APBA2: variants seen among roughly 807,000 people sequenced by gnomAD.
APBA2 encodes the protein amyloid-beta A4 precursor protein-binding family A member 2.
A neutral mutation model predicts 75.0 loss-of-function variants in APBA2; 30 were observed. The observed-to-expected ratio is 0.40, with a 90% confidence interval of 0.30 to 0.54. APBA2 has a LOEUF of 0.54. Ranked by LOEUF, APBA2 falls within the 20% of genes least tolerant of loss-of-function variation. The pLI is 0.49. For synonymous variants in APBA2, 444 were observed against 409.6 expected (o/e 1.08, Z -1.01); for missense variants, 801 against 1,016.1 (o/e 0.79, Z 2.88).
At chr15:29,011,277 G>A (rs1164561129) in intron 3 of APBA2, among the ~76,000 whole-genome samples, 2 of 152,174 alleles carry the variant, frequency 1.3e-5, no homozygotes, top group Non-Finnish European at 2.9e-5. Flanking sequence ...TGGCCATGAT[G>A]AATAGTGCTG....
intron 1 of APBA2, among the ~76,000 whole-genome samples, chr15:28,893,464 T>C (rs1595393618): frequency 6.6e-6 from 1 of 152,154 alleles, no homozygotes; most frequent in African/African-American, 2.4e-5. Context: ...GCACTTCCCA[T>C]CTGGCCTGAC....
chr15:29,081,916 A>C (rs1444736447), intron 6 of APBA2, among the ~76,000 whole-genome samples: 4 of 152,256 alleles, frequency 2.6e-5, no homozygotes, highest in Admixed American at 6.5e-5. Flanking sequence ...GCAGGGGTAC[A>C]GGCCAGGAGC....
chr15:29,101,333 G>A (rs2878839), intron 9 of APBA2, among the ~76,000 whole-genome samples: 100,698 of 151,724 alleles, frequency 0.66, 38,641 homozygotes, highest in Non-Finnish European at 0.85. Flanking sequence ...CAGTTCAAGC[G>A]ATTCTCCTGC....
In APBA2 at chr15:29,037,372, A is replaced by G. The variant is rs147258701; in HGVS notation, c.-40-16473A>G. 2.5e-3 allele frequency among the ~76,000 whole-genome samples: 387 copies of G among 152,264 alleles called. 3 individuals are homozygous for G. The highest frequency in any genetic ancestry group is 9.0e-3 in the African/African-American group (375 of 41,554). On this transcript the variant is annotated intron_variant, in intron 3 of 14. Transcript: ENST00000683413. Reference sequence around the variant, plus strand: ...AGCCACCGTGTACAGAAAGTTAAAGATGGTTCTAGGGACCAGGCAAACAGC... The same window carrying G: ...AGCCACCGTGTACAGAAAGTTAAAGGTGGTTCTAGGGACCAGGCAAACAGC...
rs149160864 is a variant in APBA2, at chr15:29,053,299, C to T, written c.-40-546C>T. ...CATTGCTCAGCCTGGATGGTCCCTG[C>T]GCATCCAGTTCCTCGGTGAACATTG... On this transcript the variant is annotated intron_variant, in intron 3 of 14. Coordinates refer to ENST00000683413, the MANE Select transcript of APBA2 (RefSeq NM_001353788.2). Among the ~76,000 whole-genome samples, 1,218 of 152,214 alleles carry T rather than the reference C, an allele frequency of 8.0e-3. 17 individuals are homozygous for T. Among genetic ancestry groups the T allele is most frequent in the African/African-American group, 0.028 (1,164 of 41,528 alleles).
At chr15:28,939,890 C>T (rs957110398) in intron 2 of APBA2, among the ~76,000 whole-genome samples, 6 of 152,184 alleles carry the variant, frequency 3.9e-5, no homozygotes, top group Non-Finnish European at 7.3e-5. Context: ...CTGGGGGGAA[C>T]GTCCAGTCCA....
At chr15:29,026,181 A>G (rs1416404116) in intron 3 of APBA2, among the ~76,000 whole-genome samples, 1 of 152,134 alleles carries the variant, frequency 6.6e-6, no homozygotes, top group Non-Finnish European at 1.5e-5. Flanking sequence ...CCCGTGTTCC[A>G]TAGGATGTTC....
rs1299024865 is a variant in APBA2 at position 29,053,880 on chromosome 15, C to T, written c.-5C>T. 2 of 1,609,398 alleles carry T rather than the reference C, an allele frequency of 1.2e-6. No homozygotes were observed. The highest frequency in any genetic ancestry group is 2.2e-5 in the East Asian group (1 of 44,716). ...CGGGTGATGATGGCTGTGTGAACGA[C>T]TGCCATGGCCCACCGGAAGCTTGAG... On this transcript the variant is annotated 5_prime_UTR_variant, in exon 4 of 15. Transcript: ENST00000683413.
intron 1 of APBA2, among the ~76,000 whole-genome samples, chr15:28,915,801 C>T (rs1373910412): frequency 1.3e-3 from 196 of 150,708 alleles, no homozygotes; most frequent in African/African-American, 4.7e-3. Context: ...ACACACAACA[C>T]ATTCACATCA....
chr15:28,994,103 G>A lies in APBA2; in HGVS notation c.-94-1650G>A, dbSNP rs932999680. On this transcript the variant is annotated intron_variant, in intron 2 of 14. Coordinates refer to ENST00000683413, the MANE Select transcript of APBA2 (RefSeq NM_001353788.2). ...AGAAATTACTTATTTTTGGAGGACC[G>A]CAGATGGCGAGCTTAGGAGTGAAGA... Among the ~76,000 whole-genome samples the A allele has an allele frequency of 7.2e-5, 11 of 152,174 alleles. No individual in the cohort carries two copies. The South Asian group carries it at 1.0e-3, about 14-fold the overall frequency.
intron 4 of APBA2, among the ~76,000 whole-genome samples, chr15:29,059,769 T>G (rs749866896): frequency 8.5e-5 from 13 of 152,218 alleles, no homozygotes; most frequent in Non-Finnish European, 1.8e-4. Context: ...TCAGGGCAGC[T>G]TTACAGAACA....
intron 6 of APBA2, among the ~76,000 whole-genome samples, chr15:29,082,682 A>T (rs1595916755): frequency 6.6e-6 from 1 of 152,150 alleles, no homozygotes; most frequent in South Asian, 2.1e-4. Context: ...CATGTCATTT[A>T]GTCAAATATA....
In APBA2 at chr15:29,019,573, T is replaced by A. The variant is rs1000348908; in HGVS notation, c.-41+23767T>A. On this transcript the variant is annotated intron_variant, in intron 3 of 14. Coordinates refer to ENST00000683413, the MANE Select transcript of APBA2 (RefSeq NM_001353788.2). ...TGTAGATGGCTGTGTTTTGTTTTTA[T>A]GCACATAGAAGGTATCTGTGCATTG... 7.3e-5 allele frequency among the ~76,000 whole-genome samples: 11 copies of A among 151,702 alleles called. No individual in the cohort carries two copies. The East Asian group carries it at 2.1e-3, about 30-fold the overall frequency.
chr15:28,887,540 AGGAT>A (rs2031828958), intron 1 of APBA2, among the ~76,000 whole-genome samples: 2 of 152,218 alleles, frequency 1.3e-5, no homozygotes, highest in East Asian at 3.9e-4. Flanking sequence ...CGCAGGGGAC[AGGAT>A]CTGGGTTTCC....
intron 4 of APBA2, among the ~76,000 whole-genome samples, chr15:29,055,115 G>C (rs1167397788): frequency 3.3e-5 from 5 of 152,228 alleles, no homozygotes; most frequent in Non-Finnish European, 7.3e-5. Flanking sequence ...CCCTAGAAGA[G>C]AGGTTCGATT....
chr15:29,075,141 G>T (rs1174741453), intron 5 of APBA2, 140 bp downstream of exon 5: 2 of 743,954 alleles, frequency 2.7e-6, no homozygotes. Context: ...TCCAGGTCAG[G>T]CCAAGTTGGT....
rs1040488143 is a variant in APBA2, at chr15:28,991,154, G to C, written c.-94-4599G>C. Among the ~76,000 whole-genome samples, 5 of 152,110 alleles carry C rather than the reference G, an allele frequency of 3.3e-5. No homozygotes were observed. The highest frequency in any genetic ancestry group is 7.4e-5 in the Non-Finnish European group (5 of 68,026). ...CATTTTACTTGTAAAGAGCACTTTG[G>C]TATCCACCCCAAGGGCCCTCCTCTG... On this transcript the variant is annotated intron_variant, in intron 2 of 14. Transcript: ENST00000683413. The surrounding 1 kb of genome is among the most constrained non-coding windows in gnomAD (Gnocchi z 4.7).
chr15:28,923,692 C>T (rs2034099527), intron 2 of APBA2, among the ~76,000 whole-genome samples: 1 of 152,194 alleles, frequency 6.6e-6, no homozygotes, highest in African/African-American at 2.4e-5. Context: ...CATCCCTGCT[C>T]AGGGGTCAGG....
intron 2 of APBA2, among the ~76,000 whole-genome samples, chr15:28,958,189 G>A (rs951050121): frequency 1.3e-5 from 2 of 152,256 alleles, no homozygotes; most frequent in Non-Finnish European, 2.9e-5. Context: ...GTAGAAGCTG[G>A]AAGGGACTTT....
Sources: allele counts gnomAD v4.1 joint callset (sites outside exome capture counted in the v4.1 genomes callset), GRCh38; gene constraint gnomAD v4.1.1; non-coding constraint Gnocchi (gnomAD v3.1); transcripts MANE v1.5; gene names NCBI Gene and HGNC (gene_info 2026-07-23, HGNC 2026-07-21).